Variants in TENM4 observed in about 807,000 individuals in gnomAD.
TENM4 encodes the protein teneurin-4.
Under a neutral mutation model 243.3 loss-of-function variants are expected in TENM4, and 82 were observed. That is an observed-to-expected ratio of 0.34 (90% confidence interval 0.28 to 0.40). TENM4 has a LOEUF of 0.40. Among genes scored for constraint, TENM4 ranks in the 10% least tolerant of loss-of-function variants. The pLI is 1.00. For synonymous variants in TENM4, 1,412 were observed against 1,456.3 expected, an observed-to-expected ratio of 0.97 and a Z score of 0.69; for missense variants, 3,138 against 3,673.3, an observed-to-expected ratio of 0.85 and a Z score of 3.77.
intron 5 of TENM4, among the ~76,000 whole-genome samples, chr11:79,066,826 C>G (rs1045156440): frequency 5.3e-5 from 8 of 152,150 alleles, no homozygotes; most frequent in African/African-American, 1.7e-4. Flanking sequence ...GACAAGGAAG[C>G]GGGGAGGAGA....
chr11:79,083,555 T>TCCC (rs1860731533), intron 4 of TENM4, among the ~76,000 whole-genome samples: 1 of 152,170 alleles, frequency 6.6e-6, no homozygotes, highest in Admixed American at 6.5e-5. Context: ...AGCCAGCCCT[T>TCCC]GTTTGAGCTC....
chr11:79,266,175 G>C (rs1345569682), intron 2 of TENM4, among the ~76,000 whole-genome samples: 4 of 152,136 alleles, frequency 2.6e-5, no homozygotes, highest in African/African-American at 9.7e-5. Flanking sequence ...GTGTTCCCAA[G>C]GTCTGACTCA....
chr11:79,087,071 C>CTTT (rs1860827148), intron 4 of TENM4, among the ~76,000 whole-genome samples: 1 of 152,138 alleles, frequency 6.6e-6, no homozygotes, highest in Non-Finnish European at 1.5e-5. Flanking sequence ...AAAACCCAAG[C>CTTT]TTCTGTCCTT....
At chr11:78,845,461 G>C (rs1858368451) in intron 12 of TENM4, among the ~76,000 whole-genome samples, 1 of 152,160 alleles carries the variant, frequency 6.6e-6, no homozygotes, top group Admixed American at 6.5e-5. Context: ...CAAAGCCTTT[G>C]TCCTTTCCTC....
At chr11:79,357,900 C>T (rs1857524123) in intron 1 of TENM4, among the ~76,000 whole-genome samples, 1 of 152,186 alleles carries the variant, frequency 6.6e-6, no homozygotes, top group African/African-American at 2.4e-5. Flanking sequence ...AAACATACCA[C>T]AAGAACACTC....
At position 78,854,269 on chromosome 11, in the gene TENM4, C is replaced by G. The variant is rs17137261; in HGVS notation, c.1516G>C (p.Glu506Gln). The change falls in exon 12 of 34, where the codon GAG (glutamate) becomes CAG (glutamine). Residue 506 changes from glutamate (E) to glutamine (Q), a missense_variant. Physicochemically the swap from Glu to Gln is conservative, Grantham distance 29. This residue lies in a region of TENM4 where 2,467 missense variants were observed against 3,059.1 expected (regional missense o/e 0.81). Coordinates refer to ENST00000278550, the MANE Select transcript of TENM4 (RefSeq NM_001098816.3). ...LLDGRRLLTQ[E>Q]ARSLEGTPRQ... ...GGGGTCCCCTCTAGGCTCCGCGCCT[C>G]CTGGGTTAGGAGCCTCCTGCCATCC... is the stretch of plus-strand genomic sequence containing the variant. 58,471 of 1,537,858 alleles carry G rather than the reference C, an allele frequency of 0.038. 1,245 individuals are homozygous for G. The highest frequency in any genetic ancestry group is 0.059 in the Admixed American group (2,902 of 49,014).
intron 9 of TENM4, among the ~76,000 whole-genome samples, chr11:78,888,205 C>T (rs1327963982): frequency 6.6e-6 from 1 of 152,214 alleles, no homozygotes; most frequent in Non-Finnish European, 1.5e-5. Flanking sequence ...CATCAATATT[C>T]TCCATTTCTG....
At chr11:78,944,266 G>GA (rs555929537) in intron 6 of TENM4, among the ~76,000 whole-genome samples, 6,503 of 146,554 alleles carry the variant, frequency 0.044, 350 homozygotes, top group East Asian at 0.23. Context: ...GACTCAGGCA[G>GA]AAAAAAAAAA....
chr11:79,067,136 AAAG>A (rs1488353945), intron 5 of TENM4, among the ~76,000 whole-genome samples: 1 of 152,172 alleles, frequency 6.6e-6, no homozygotes, highest in Non-Finnish European at 1.5e-5. Flanking sequence ...ACCAGGCATA[AAAG>A]AAGCCCGTGG....
chr11:79,309,219 A>T (rs1381835308), intron 1 of TENM4, among the ~76,000 whole-genome samples: 3 of 152,250 alleles, frequency 2.0e-5, no homozygotes. Context: ...CTTTGGTATT[A>T]AAAACAGAAT....
intron 7 of TENM4, among the ~76,000 whole-genome samples, chr11:78,901,041 C>T (rs1855917831): frequency 6.6e-6 from 1 of 152,110 alleles, no homozygotes; most frequent in Admixed American, 6.6e-5. Flanking sequence ...ACTGGATAGA[C>T]CACGAAGTGA....
chr11:78,921,483 T>C (rs970304123), intron 6 of TENM4, among the ~76,000 whole-genome samples: 3 of 152,236 alleles, frequency 2.0e-5, no homozygotes, highest in Non-Finnish European at 4.4e-5. Context: ...AGTCTGACTG[T>C]CCCCTTTACA....
intron 2 of TENM4, among the ~76,000 whole-genome samples, chr11:79,280,765 C>T (rs182891783): frequency 3.2e-4 from 49 of 152,240 alleles, no homozygotes; most frequent in East Asian, 2.7e-3. Flanking sequence ...CTCCCCAGTG[C>T]GAAAGAGATG....
intron 6 of TENM4, among the ~76,000 whole-genome samples, chr11:78,909,193 A>G (rs2136345851): frequency 6.6e-6 from 1 of 152,374 alleles, no homozygotes; most frequent in East Asian, 1.9e-4. Flanking sequence ...TAGTAAAGAA[A>G]ATGGATATAC....
intron 1 of TENM4, among the ~76,000 whole-genome samples, chr11:79,404,153 A>C (rs919325090): frequency 6.6e-6 from 1 of 152,264 alleles, no homozygotes. Context: ...ATCACCTGAC[A>C]TAATAATTAA....
At chr11:79,435,133 C>T (rs1356344155) in intron 1 of TENM4, among the ~76,000 whole-genome samples, 1 of 151,994 alleles carries the variant, frequency 6.6e-6, no homozygotes, top group Non-Finnish European at 1.5e-5. Flanking sequence ...CAAGGTACAA[C>T]CCAAAATGTG....
chr11:79,367,641 G>C (rs2135503296), intron 1 of TENM4, among the ~76,000 whole-genome samples: 1 of 152,304 alleles, frequency 6.6e-6, no homozygotes, highest in South Asian at 2.1e-4. Flanking sequence ...AGGAGCTTCA[G>C]AAATAACTGA....
chr11:78,661,889 G>C (rs899112673), intron 32 of TENM4, among the ~76,000 whole-genome samples: 1 of 152,082 alleles, frequency 6.6e-6, no homozygotes, highest in Non-Finnish European at 1.5e-5. Flanking sequence ...CTTCATACCC[G>C]GGGCAGCTGT....
chr11:79,385,235 C>T (rs1209848914), intron 1 of TENM4, among the ~76,000 whole-genome samples: 8 of 152,206 alleles, frequency 5.3e-5, no homozygotes, highest in African/African-American at 1.9e-4. Context: ...AAATCAGAAC[C>T]TCTGGGGCTG....
Sources: gnomAD v4.1 joint callset for allele counts (sites outside exome capture counted in the v4.1 genomes callset) on GRCh38, gnomAD v4.1.1 for gene constraint, gnomAD v4.1.1 regional missense constraint, MANE v1.5 for transcripts, NCBI Gene and HGNC (gene_info 2026-07-23, HGNC 2026-07-21) for gene names.